The following WHR1 variants were observed in gnomAD, a reference collection of about 807,000 sequenced individuals.
WHR1 encodes winged helix repair factor 1.
At chr6:31,972,469 A>G in the WHR1 span, 1 of 1,612,994 alleles carries the variant, frequency 6.2e-7, no homozygotes, top group South Asian at 1.1e-5. The surrounding 1 kb of genome is among the most constrained non-coding windows in gnomAD (Gnocchi z 6.3). Context: ...GAGGCGGCGG[A>G]AGCGAGGGCC....
the WHR1 span, chr6:31,979,653 A>AGAAAAGCTGCC: frequency 6.7e-7 from 1 of 1,497,098 alleles, no homozygotes; most frequent in Non-Finnish European, 9.0e-7. Context: ...TGAACCTGCC[A>AGAAAAGCTGCC]GAAAAGCTGC....
the WHR1 span, chr6:31,973,510 G>A: frequency 6.3e-6 from 1 of 158,988 alleles, no homozygotes; most frequent in Non-Finnish European, 1.4e-5. Flanking sequence ...AGTGGGTAGA[G>A]GAGTGATTTC....
the WHR1 span, chr6:31,971,660 TC>T: frequency 6.2e-7 from 1 of 1,606,484 alleles, no homozygotes; most frequent in Non-Finnish European, 8.5e-7. This position sits in a 1 kb window ranked among gnomAD's most constrained non-coding sequence, Gnocchi z 4.5. Flanking sequence ...CCTCTCTTGG[TC>T]CCCCTGGGAT....
the WHR1 span, chr6:31,971,868 G>GGTCCTCCAA: frequency 7.0e-7 from 1 of 1,426,654 alleles, no homozygotes. This position sits in a 1 kb window ranked among gnomAD's most constrained non-coding sequence, Gnocchi z 4.5. Context: ...CCTCCCTCCA[G>GGTCCTCCAA]GTCCTCCAAA....
chr6:31,971,660 T>A, the WHR1 span: 1 of 1,606,484 alleles, frequency 6.2e-7, no homozygotes. This position sits in a 1 kb window ranked among gnomAD's most constrained non-coding sequence, Gnocchi z 4.5. Flanking sequence ...CCTCTCTTGG[T>A]CCCCCTGGGA....
the WHR1 span, among the ~76,000 whole-genome samples, chr6:31,975,497 G>A: frequency 4.0e-5 from 6 of 151,436 alleles, no homozygotes; most frequent in African/African-American, 1.5e-4. Context: ...CACCGCACCC[G>A]GCCTAATTTT....
the WHR1 span, chr6:31,971,194 G>A: frequency 1.9e-6 from 3 of 1,591,474 alleles, no homozygotes; most frequent in Non-Finnish European, 2.6e-6. The surrounding 1 kb of genome is among the most constrained non-coding windows in gnomAD (Gnocchi z 4.5). Flanking sequence ...AAGCATTAGT[G>A]AGATGCTCCC....
chr6:31,973,818 T>G, the WHR1 span, among the ~76,000 whole-genome samples: 1 of 152,198 alleles, frequency 6.6e-6, no homozygotes, highest in African/African-American at 2.4e-5. Context: ...TTCCTGGGAC[T>G]CATCCAAGGT....
chr6:31,979,811 C>A, the WHR1 span: 3 of 442,286 alleles, frequency 6.8e-6, no homozygotes. Context: ...AGGGGCCTGG[C>A]AGGAAGTGTA....
chr6:31,978,319 C>T, the WHR1 span, among the ~76,000 whole-genome samples: 1 of 148,644 alleles, frequency 6.7e-6, no homozygotes, highest in Non-Finnish European at 1.5e-5. Context: ...AGAGATGTGG[C>T]GGGTGGGGGG....
At chr6:31,972,617 C>A in the WHR1 span, 38 of 1,607,456 alleles carry the variant, frequency 2.4e-5, no homozygotes, top group Admixed American at 6.2e-4. The surrounding 1 kb of genome is among the most constrained non-coding windows in gnomAD (Gnocchi z 6.3). Flanking sequence ...ATTTATCTGC[C>A]CAGGGTCGGC....
At chr6:31,972,101 C>G in the WHR1 span, 1 of 1,613,118 alleles carries the variant, frequency 6.2e-7, no homozygotes, top group Non-Finnish European at 8.5e-7. The surrounding 1 kb of genome is among the most constrained non-coding windows in gnomAD (Gnocchi z 6.3). Flanking sequence ...AGGAGGTTGA[C>G]ACCAACGTGG....
chr6:31,976,341 G>A, the WHR1 span, among the ~76,000 whole-genome samples: 1 of 151,474 alleles, frequency 6.6e-6, no homozygotes, highest in African/African-American at 2.4e-5. Flanking sequence ...GCGGCTGCCG[G>A]GCGGAGGGTC....
chr6:31,972,601 G>T, the WHR1 span: 2 of 1,600,640 alleles, frequency 1.2e-6, no homozygotes, highest in Non-Finnish European at 1.7e-6. The surrounding 1 kb of genome is among the most constrained non-coding windows in gnomAD (Gnocchi z 6.3). Context: ...CCCTGTCCGT[G>T]AGCCGATTTA....
the WHR1 span, chr6:31,971,265 AT>A: frequency 6.5e-7 from 1 of 1,540,306 alleles, no homozygotes; most frequent in Non-Finnish European, 8.8e-7. This position sits in a 1 kb window ranked among gnomAD's most constrained non-coding sequence, Gnocchi z 4.5. Context: ...GGCTCTCCTA[AT>A]TTTAGAGGGT....
chr6:31,975,033 A>G, the WHR1 span, among the ~76,000 whole-genome samples: 1 of 152,258 alleles, frequency 6.6e-6, no homozygotes, highest in South Asian at 2.1e-4. Context: ...AAATATAAAC[A>G]TATATAATTT....
the WHR1 span, among the ~76,000 whole-genome samples, chr6:31,977,980 G>C: frequency 6.6e-6 from 1 of 151,156 alleles, no homozygotes; most frequent in Non-Finnish European, 1.5e-5. Context: ...TAGAGACGGG[G>C]TTTTACCATA....
At chr6:31,974,716 C>A in the WHR1 span, among the ~76,000 whole-genome samples, 1 of 152,156 alleles carries the variant, frequency 6.6e-6, no homozygotes, top group Non-Finnish European at 1.5e-5. Context: ...TATGATTGCA[C>A]GACTGCACTC....
At chr6:31,972,615 G>A in the WHR1 span, 1 of 1,606,940 alleles carries the variant, frequency 6.2e-7, no homozygotes, top group Non-Finnish European at 8.5e-7. The surrounding 1 kb of genome is among the most constrained non-coding windows in gnomAD (Gnocchi z 6.3). Context: ...CGATTTATCT[G>A]CCCAGGGTCG....
Sources: gnomAD v4.1 joint callset for allele counts (sites outside exome capture counted in the v4.1 genomes callset) on GRCh38, gnomAD v4.1.1 for gene constraint, Gnocchi (gnomAD v3.1) non-coding constraint, MANE v1.5 for transcripts, NCBI Gene and HGNC (gene_info 2026-07-23, HGNC 2026-07-21) for gene names.